C12orf42: variants seen among roughly 807,000 people sequenced by gnomAD.
C12orf42 encodes the protein chromosome 12 open reading frame 42, also known as uncharacterized protein C12orf42.
A neutral mutation model predicts 21.6 loss-of-function variants in C12orf42; 25 were observed. That is an observed-to-expected ratio of 1.16 (90% CI 0.84 to 1.62). The LOEUF (loss-of-function observed/expected upper bound fraction) is 1.62. Ranked by LOEUF, C12orf42 falls within the 40% of genes most tolerant of loss-of-function variation. The pLI, the probability that C12orf42 is intolerant of heterozygous loss-of-function variation, is 0.00. For missense variants in C12orf42, 483 were observed against 459.3 expected (o/e 1.05, Z -0.47); for synonymous variants, 174 against 175.0 (o/e 0.99, Z 0.05).
chr12:103,500,122 G>T (rs762553340), upstream of C12orf42, among the ~76,000 whole-genome samples: 2 of 152,080 alleles, frequency 1.3e-5, no homozygotes, highest in Non-Finnish European at 2.9e-5. Context: ...TCTCACATTT[G>T]CAAAAGTTTA....
the C12orf42 span, among the ~76,000 whole-genome samples, chr12:103,089,621 G>A: frequency 7.2e-5 from 3 of 41,622 alleles, no homozygotes; most frequent in East Asian, 2.5e-3. Flanking sequence ...GTGTGTGTCT[G>A]TGTGTGTGTG....
the C12orf42 span, among the ~76,000 whole-genome samples, chr12:103,110,595 G>T: frequency 6.6e-6 from 1 of 152,046 alleles, no homozygotes; most frequent in Non-Finnish European, 1.5e-5. Flanking sequence ...TTTTTTTAAG[G>T]TTTGAAATAT....
the C12orf42 span, among the ~76,000 whole-genome samples, chr12:103,538,237 A>T: frequency 2.6e-5 from 4 of 152,236 alleles, no homozygotes; most frequent in African/African-American, 4.8e-5. Context: ...CAGAAGAGAG[A>T]TATCTAAGCT....
At chr12:103,431,332 C>G (rs1950248777) in intron 2 of C12orf42, 1 of 152,124 alleles carries the variant, frequency 6.6e-6, no homozygotes, top group African/African-American at 2.4e-5. Context: ...TAAATAGAGG[C>G]CATTTTGACT....
At chr12:103,380,114 C>T (rs1464816401) in intron 3 of C12orf42, among the ~76,000 whole-genome samples, 1 of 152,124 alleles carries the variant, frequency 6.6e-6, no homozygotes, top group Non-Finnish European at 1.5e-5. Flanking sequence ...ATTTCTATGG[C>T]TTGTTCCACC....
At chr12:103,490,147 T>C (rs1169032007) in intron 1 of C12orf42, among the ~76,000 whole-genome samples, 2 of 152,242 alleles carry the variant, frequency 1.3e-5, no homozygotes, top group Non-Finnish European at 2.9e-5. Context: ...CCCAGCTTTA[T>C]GTTTCAGCTA....
At chr12:103,554,101 G>C in the C12orf42 span, among the ~76,000 whole-genome samples, 1 of 152,120 alleles carries the variant, frequency 6.6e-6, no homozygotes, top group Non-Finnish European at 1.5e-5. Context: ...GACTTTGCAG[G>C]CCATGTGATC....
intron 2 of C12orf42, among the ~76,000 whole-genome samples, chr12:103,437,689 C>T (rs1321189376): frequency 1.3e-5 from 2 of 151,176 alleles, no homozygotes; most frequent in Non-Finnish European, 3.0e-5. Flanking sequence ...CATACACTCT[C>T]CCAAAACTAA....
chr12:103,342,971 G>A (rs1315141884), intron 4 of C12orf42, among the ~76,000 whole-genome samples: 1 of 152,148 alleles, frequency 6.6e-6, no homozygotes, highest in Non-Finnish European at 1.5e-5. Context: ...GTTCTAAGGA[G>A]CTGTCAGAGC....
At chr12:103,242,382 T>C (rs1205017207) in intron 10 of C12orf42, among the ~76,000 whole-genome samples, 1 of 152,198 alleles carries the variant, frequency 6.6e-6, no homozygotes, top group African/African-American at 2.4e-5. Context: ...ACTGGAATAA[T>C]AGCTAAGTTG....
the C12orf42 span, among the ~76,000 whole-genome samples, chr12:103,530,626 C>CG: frequency 0.029 from 4,410 of 150,884 alleles, 145 homozygotes; most frequent in East Asian, 0.18. Context: ...GGCAAGTGTT[C>CG]GGGGGGGGAA....
intron 4 of C12orf42, among the ~76,000 whole-genome samples, chr12:103,363,305 A>AT (rs1036505590): frequency 6.6e-6 from 1 of 152,158 alleles, no homozygotes; most frequent in Admixed American, 6.6e-5. Flanking sequence ...TGCTGAAGTA[A>AT]TTTGCCACTA....
intron 4 of C12orf42, among the ~76,000 whole-genome samples, chr12:103,339,368 C>T (rs80096313): frequency 0.012 from 1,815 of 152,260 alleles, 25 homozygotes; most frequent in African/African-American, 0.034. Context: ...ACCCTCCACC[C>T]TCTGAAAGGC....
chr12:103,474,448 G>A (rs1953881602), intron 2 of C12orf42, among the ~76,000 whole-genome samples: 1 of 136,838 alleles, frequency 7.3e-6, no homozygotes, highest in African/African-American at 3.0e-5. Flanking sequence ...ATACATGTAT[G>A]TATGTATGTG....
chr12:103,399,755 A>G (rs2047838368), intron 3 of C12orf42, among the ~76,000 whole-genome samples: 1 of 152,154 alleles, frequency 6.6e-6, no homozygotes, highest in South Asian at 2.1e-4. Flanking sequence ...TGCTTTTAGT[A>G]TCTGACTATT....
chr12:103,107,646 A>C, the C12orf42 span, among the ~76,000 whole-genome samples: 1 of 151,870 alleles, frequency 6.6e-6, no homozygotes, highest in African/African-American at 2.4e-5. Flanking sequence ...CACAAATTAG[A>C]AAGGGGGAAA....
At chr12:103,277,572 T>A (rs2035845450) in intron 4 of C12orf42, among the ~76,000 whole-genome samples, 1 of 152,060 alleles carries the variant, frequency 6.6e-6, no homozygotes. Context: ...CACTGATATA[T>A]AATAAAAATT....
At chr12:103,364,780 C>A (rs2044447503) in intron 4 of C12orf42, among the ~76,000 whole-genome samples, 1 of 151,944 alleles carries the variant, frequency 6.6e-6, no homozygotes, top group South Asian at 2.1e-4. Context: ...TAGCTTAAAT[C>A]AGGAAGAATT....
At chr12:103,206,386 G>GA in the C12orf42 span, among the ~76,000 whole-genome samples, 1 of 152,244 alleles carries the variant, frequency 6.6e-6, no homozygotes, top group Non-Finnish European at 1.5e-5. Context: ...TATCTTTGCA[G>GA]AAAAATGAGG....
Sources: allele counts gnomAD v4.1 joint callset (sites outside exome capture counted in the v4.1 genomes callset), GRCh38; gene constraint gnomAD v4.1.1; transcripts MANE v1.5; gene names NCBI Gene and HGNC (gene_info 2026-07-23, HGNC 2026-07-21).